GRID2: variants seen among roughly 807,000 people sequenced by gnomAD.
GRID2 encodes glutamate receptor ionotropic, delta-2.
In GRID2, 33 loss-of-function variants were observed where a neutral mutation model predicts 114.8. The ratio of observed to expected loss-of-function variants is 0.29; its 90% CI spans 0.22 to 0.38. The LOEUF is 0.38. Among genes scored for constraint, GRID2 ranks in the 10% least tolerant of loss-of-function variants. GRID2 has a pLI of 1.00. For missense variants in GRID2, 1,184 were observed against 1,257.7 expected (o/e 0.94, Z 0.89); for synonymous variants, 505 against 449.9 (o/e 1.12, Z -1.55).
intron 7 of GRID2, among the ~76,000 whole-genome samples, chr4:93,232,971 G>A (rs1283482764): frequency 6.6e-6 from 1 of 152,106 alleles, no homozygotes; most frequent in Non-Finnish European, 1.5e-5. Flanking sequence ...TCTACAAAAG[G>A]AGAAATACCA....
chr4:93,329,404 A>G (rs561666767), intron 8 of GRID2, among the ~76,000 whole-genome samples: 133 of 152,100 alleles, frequency 8.7e-4, no homozygotes, highest in Non-Finnish European at 1.8e-3. Context: ...GAATGTCTCT[A>G]TGTTTTTGAT....
intron 2 of GRID2, among the ~76,000 whole-genome samples, chr4:92,948,414 A>AT (rs1228891371): frequency 6.6e-6 from 1 of 151,860 alleles, no homozygotes; most frequent in African/African-American, 2.4e-5. Context: ...CTATTTTCCT[A>AT]TTTTAAATCT....
intron 8 of GRID2, among the ~76,000 whole-genome samples, chr4:93,274,608 A>G (rs1236152220): frequency 2.0e-5 from 3 of 152,182 alleles, no homozygotes; most frequent in Middle Eastern, 3.4e-3. Context: ...GACACTTAAC[A>G]TTTGCCCGAG....
At chr4:92,554,259 C>T (rs1726742497) in intron 1 of GRID2, among the ~76,000 whole-genome samples, 1 of 152,046 alleles carries the variant, frequency 6.6e-6, no homozygotes. Flanking sequence ...GGCAGTAAAC[C>T]TATAGTGATG....
At chr4:92,987,795 G>A (rs1234341557) in intron 2 of GRID2, among the ~76,000 whole-genome samples, 3 of 152,020 alleles carry the variant, frequency 2.0e-5, no homozygotes, top group East Asian at 3.9e-4. Context: ...CTTGGCAAAT[G>A]CCAACTCTCT....
intron 1 of GRID2, among the ~76,000 whole-genome samples, chr4:92,576,112 C>T (rs184795999): frequency 5.9e-5 from 9 of 152,310 alleles, no homozygotes; most frequent in African/African-American, 2.2e-4. Context: ...CACTCTGTAC[C>T]AGAGAGAAGT....
chr4:93,071,644 A>T (rs928495526), intron 2 of GRID2, among the ~76,000 whole-genome samples: 1 of 152,124 alleles, frequency 6.6e-6, no homozygotes, highest in Admixed American at 6.6e-5. Flanking sequence ...AAGAAATAGA[A>T]GGAAAAGTGA....
intron 2 of GRID2, among the ~76,000 whole-genome samples, chr4:92,679,385 C>T (rs1477534822): frequency 6.6e-6 from 1 of 151,934 alleles, no homozygotes; most frequent in Non-Finnish European, 1.5e-5. Context: ...TTTTCTTAGT[C>T]ACCATTTCTT....
intron 14 of GRID2, among the ~76,000 whole-genome samples, chr4:93,743,362 A>G (rs1731574024): frequency 6.6e-6 from 1 of 152,256 alleles, no homozygotes; most frequent in Non-Finnish European, 1.5e-5. Context: ...TAGAAATTCT[A>G]GCCAAGATAA....
At chr4:92,582,699 A>G (rs990345662) in intron 1 of GRID2, among the ~76,000 whole-genome samples, 2 of 152,048 alleles carry the variant, frequency 1.3e-5, no homozygotes, top group Non-Finnish European at 2.9e-5. Flanking sequence ...GTTGTGGCTT[A>G]TGCCTGTGAT....
rs1163063347 is a variant in GRID2, at chr4:93,654,570, G to GA, written c.2360+28143dup. Among the ~76,000 whole-genome samples, 8 of 151,612 alleles carry GA rather than the reference G, an allele frequency of 5.3e-5. No individual in the cohort carries two copies. In the East Asian group the frequency reaches 5.8e-4, roughly 11 times the overall value. On this transcript the variant is annotated intron_variant, in intron 14 of 15. Transcript: ENST00000282020. Reference sequence around the variant, plus strand: ...ACAGACTATAGTGCCTGAGTAAGGGGAAAAAAAACTTATGTAGTACCAGAA... The same window carrying GA: ...ACAGACTATAGTGCCTGAGTAAGGGGAAAAAAAAACTTATGTAGTACCAGAA...
At position 93,372,169 on chromosome 4, in the gene GRID2, G is replaced by T. The variant is rs140040102; in HGVS notation, c.1246-23438G>T. Among the ~76,000 whole-genome samples, 138 of 152,160 alleles carry T rather than the reference G, an allele frequency of 9.1e-4. 1 individual carries two copies. The highest frequency in any genetic ancestry group is 3.3e-3 in the African/African-American group (135 of 41,528). Reference sequence around the variant, plus strand: ...ATTAAAGACACACAAGTAAACAAAGGTAACAATAAAATAGTAATACATATC... The same window carrying T: ...ATTAAAGACACACAAGTAAACAAAGTTAACAATAAAATAGTAATACATATC... On this transcript the variant is annotated intron_variant, in intron 8 of 15. Transcript: ENST00000282020.
At chr4:92,495,455 G>A (rs1723343235) in intron 1 of GRID2, among the ~76,000 whole-genome samples, 1 of 151,952 alleles carries the variant, frequency 6.6e-6, no homozygotes, top group South Asian at 2.1e-4. Flanking sequence ...GAGGATCACA[G>A]GCAGAGATGC....
At chr4:93,361,501 T>A (rs1761878009) in intron 8 of GRID2, among the ~76,000 whole-genome samples, 2 of 140,774 alleles carry the variant, frequency 1.4e-5, no homozygotes, top group African/African-American at 2.7e-5. Context: ...TATTATTATT[T>A]GTAGGATTTC....
chr4:92,783,051 A>G (rs553323663), intron 2 of GRID2, among the ~76,000 whole-genome samples: 6 of 152,082 alleles, frequency 3.9e-5, no homozygotes, highest in Non-Finnish European at 7.4e-5. Flanking sequence ...AAAATGTCCA[A>G]TTGAGTTAAT....
At chr4:93,274,047 CTTT>C (rs1379679432) in intron 8 of GRID2, among the ~76,000 whole-genome samples, 3 of 15,944 alleles carry the variant, frequency 1.9e-4, no homozygotes, top group Non-Finnish European at 3.3e-4. Flanking sequence ...TGAAAAAATA[CTTT>C]TTCTTTTTTT....
intron 2 of GRID2, among the ~76,000 whole-genome samples, chr4:92,848,602 C>T (rs78117390): frequency 0.038 from 5,826 of 151,856 alleles, 161 homozygotes; most frequent in East Asian, 0.12. Context: ...TTCTAATACC[C>T]ACACCTGGAA....
chr4:93,463,858 G>T (rs575653664), intron 11 of GRID2, among the ~76,000 whole-genome samples: 8 of 151,864 alleles, frequency 5.3e-5, no homozygotes, highest in Non-Finnish European at 1.0e-4. Flanking sequence ...GCGTGGTGGC[G>T]GGCACCTGTA....
Position 92,820,412 on chromosome 4 carries a change from G to A in GRID2, c.244+230126G>A, listed in dbSNP as rs1741203633. ...AGTCAGAGAAACAGTTAAGATAGCA[G>A]AAACCTAAAAATTCTCAAAATATCA... On this transcript the variant is annotated intron_variant, in intron 2 of 15. Coordinates refer to ENST00000282020, the MANE Select transcript of GRID2 (RefSeq NM_001510.4). Among the ~76,000 whole-genome samples, 4 of 152,098 alleles carry A rather than the reference G, an allele frequency of 2.6e-5. No individual in the cohort carries two copies. In the South Asian group the frequency reaches 8.3e-4, roughly 31 times the overall value.
Sources: allele counts gnomAD v4.1 joint callset (sites outside exome capture counted in the v4.1 genomes callset), GRCh38; gene constraint gnomAD v4.1.1; transcripts MANE v1.5; gene names NCBI Gene and HGNC (gene_info 2026-07-23, HGNC 2026-07-21).